The following JAM3 variants were observed in gnomAD, a reference collection of about 807,000 sequenced individuals.
JAM3 encodes the protein junctional adhesion molecule 3, also known as junctional adhesion molecule C.
In JAM3, 31 loss-of-function variants were observed where a neutral mutation model predicts 39.4. That is an observed-to-expected ratio of 0.79 (90% confidence interval 0.59 to 1.06). JAM3 has a LOEUF of 1.06. JAM3 is among the 50% of genes least tolerant of loss of function. The pLI is 0.00. For missense variants in JAM3, 455 were observed against 391.4 expected, an observed-to-expected ratio of 1.16 and a Z score of -1.37; for synonymous variants, 182 against 148.7, an observed-to-expected ratio of 1.22 and a Z score of -1.63.
intron 1 of JAM3, among the ~76,000 whole-genome samples, chr11:134,094,179 C>T (rs528185810): frequency 1.4e-5 from 2 of 139,818 alleles, no homozygotes; most frequent in South Asian, 5.0e-4. Flanking sequence ...TTCTCCTGAA[C>T]CCTCCTTATT....
chr11:134,085,158 G>T (rs999098906), intron 1 of JAM3, among the ~76,000 whole-genome samples: 3 of 152,148 alleles, frequency 2.0e-5, no homozygotes, highest in African/African-American at 7.2e-5. Flanking sequence ...GAAAAACCAG[G>T]TTATGAGTTT....
At chr11:134,114,360 A>G (rs1040205321) in intron 1 of JAM3, among the ~76,000 whole-genome samples, 13 of 152,174 alleles carry the variant, frequency 8.5e-5, no homozygotes, top group African/African-American at 2.7e-4. Context: ...TAATTTTTGT[A>G]TAAGGTGTGA....
chr11:134,103,828 C>G (rs954317514), intron 1 of JAM3, among the ~76,000 whole-genome samples: 1 of 152,150 alleles, frequency 6.6e-6, no homozygotes, highest in Non-Finnish European at 1.5e-5. Context: ...AATATATATG[C>G]ACTCAATACA....
At chr11:134,086,419 GA>G (rs1052986495) in intron 1 of JAM3, among the ~76,000 whole-genome samples, 4 of 151,038 alleles carry the variant, frequency 2.6e-5, no homozygotes, top group Non-Finnish European at 5.9e-5. Flanking sequence ...TTTTTTTAAA[GA>G]AAACAAAAAT....
At chr11:134,087,802 T>G (rs867132895) in intron 1 of JAM3, among the ~76,000 whole-genome samples, 2 of 152,224 alleles carry the variant, frequency 1.3e-5, no homozygotes, top group African/African-American at 2.4e-5. Flanking sequence ...CATGGACATA[T>G]AGGTTCTAGA....
At chr11:134,078,372 G>C (rs1467745681) in intron 1 of JAM3, among the ~76,000 whole-genome samples, 5 of 152,086 alleles carry the variant, frequency 3.3e-5, no homozygotes, top group Admixed American at 3.3e-4. Context: ...CACCTGCCTT[G>C]ATCTCCCAAA....
At chr11:134,124,923 T>C (rs1942614696) in intron 1 of JAM3, among the ~76,000 whole-genome samples, 1 of 152,228 alleles carries the variant, frequency 6.6e-6, no homozygotes, top group South Asian at 2.1e-4. Context: ...GACCGGGCAT[T>C]GAAGTCCGGC....
At chr11:134,077,463 A>C (rs1941589239) in intron 1 of JAM3, among the ~76,000 whole-genome samples, 1 of 150,870 alleles carries the variant, frequency 6.6e-6, no homozygotes, top group African/African-American at 2.4e-5. Context: ...TCCTGGGTTC[A>C]AGTGATTCTC....
rs574452185 is a variant in JAM3 at position 134,074,830 on chromosome 11, G to A, written c.76+5671G>A. Among the ~76,000 whole-genome samples, 413 of 152,192 alleles carry A rather than the reference G, an allele frequency of 2.7e-3. 5 individuals are homozygous for A. The highest frequency in any genetic ancestry group is 0.014 in the Middle Eastern group (4 of 294). On this transcript the variant is annotated intron_variant, in intron 1 of 8. Coordinates refer to ENST00000299106, the MANE Select transcript of JAM3 (RefSeq NM_032801.5). Reference sequence around the variant, plus strand: ...AACTAGACTCTGAAAGATGTTTCCCGAAGCACTCTGTCAGCTGATGTGCCC... The same window carrying A: ...AACTAGACTCTGAAAGATGTTTCCCAAAGCACTCTGTCAGCTGATGTGCCC...
intron 1 of JAM3, chr11:134,124,321 G>A (rs1487547137): frequency 9.3e-5 from 72 of 776,298 alleles, no homozygotes; most frequent in Non-Finnish European, 6.5e-5. Context: ...GGGGCTGGAC[G>A]GTTCATTATG....
rs1259876523 is a variant in JAM3, at chr11:134,102,609, A to T, written c.76+33450A>T. ...CGAACCCATCGCAAAGAAGCTAAAA[A>T]CCTTGAAAAAAGATTAGACAAATGG... On this transcript the variant is annotated intron_variant, in intron 1 of 8. Coordinates refer to ENST00000299106, the MANE Select transcript of JAM3 (RefSeq NM_032801.5). 1.4e-4 allele frequency among the ~76,000 whole-genome samples: 22 copies of T among 152,108 alleles called. 1 individual carries two copies. The highest frequency in any genetic ancestry group is 1.4e-3 in the Admixed American group (22 of 15,262).
At chr11:134,082,375 T>C (rs1056461989) in intron 1 of JAM3, among the ~76,000 whole-genome samples, 6 of 152,038 alleles carry the variant, frequency 3.9e-5, no homozygotes, top group Admixed American at 1.3e-4. Flanking sequence ...GGACATGAGA[T>C]TTGGGAGGGG....
intron 1 of JAM3, among the ~76,000 whole-genome samples, chr11:134,122,512 C>T (rs564398972): frequency 8.5e-5 from 13 of 152,268 alleles, no homozygotes; most frequent in African/African-American, 3.1e-4. Context: ...GCTGCTACAC[C>T]GCTTCACCAG....
At chr11:134,118,811 A>G (rs1942483960) in intron 1 of JAM3, among the ~76,000 whole-genome samples, 1 of 152,122 alleles carries the variant, frequency 6.6e-6, no homozygotes, top group Non-Finnish European at 1.5e-5. Flanking sequence ...CTTTCCACTT[A>G]TGCTTTAAAA....
chr11:134,101,661 A>G (rs936373624), intron 1 of JAM3, among the ~76,000 whole-genome samples: 27 of 152,216 alleles, frequency 1.8e-4, no homozygotes, highest in Middle Eastern at 3.2e-3. Context: ...TACTACCACA[A>G]GTATTGCCTT....
Position 134,121,228 on chromosome 11 carries a change from G to A in JAM3, c.77-18623G>A, listed in dbSNP as rs537395489. Among the ~76,000 whole-genome samples, 10 of 152,310 alleles carry A rather than the reference G, an allele frequency of 6.6e-5. No homozygotes were observed. The East Asian group carries it at 1.9e-3, about 29-fold the overall frequency. On this transcript the variant is annotated intron_variant, in intron 1 of 8. Transcript: ENST00000299106. ...GAAGTGATTGTCATATAACTTGTCT[G>A]GCATCAGATCCGCAGACTCTGGCAG...
intron 1 of JAM3, among the ~76,000 whole-genome samples, chr11:134,071,384 A>G (rs926748311): frequency 1.3e-5 from 2 of 152,210 alleles, no homozygotes; most frequent in Non-Finnish European, 2.9e-5. Context: ...AGTTATTTGT[A>G]TTATTCCATT....
Position 134,069,102 on chromosome 11 carries a change from C to G in JAM3, c.19C>G (p.Pro7Ala). Residue 7 changes from proline (P) to alanine (A), a missense_variant, in exon 1 of 9, where the codon CCG becomes GCG. Coordinates refer to ENST00000299106, the MANE Select transcript of JAM3 (RefSeq NM_032801.5). ...CCTCGACATGGCGCTGAGGCGGCCA[C>G]CGCGACTCCGGCTCTGCGCTCGGCT... is the stretch of plus-strand genomic sequence containing the variant. MALRRP[P>A]RLRLCARLPD... is the part of the protein sequence containing the mutation. The G allele has an allele frequency of 6.2e-7, 1 of 1,611,944 alleles. No homozygotes were observed. Among genetic ancestry groups the G allele is most frequent in the Non-Finnish European group, 8.5e-7 (1 of 1,179,208 alleles).
intron 1 of JAM3, among the ~76,000 whole-genome samples, chr11:134,132,965 C>T (rs1180916814): frequency 1.3e-5 from 2 of 152,180 alleles, no homozygotes; most frequent in Non-Finnish European, 2.9e-5. Context: ...CTTTATCTGC[C>T]TGTCTGTCTC....
Sources: allele counts gnomAD v4.1 joint callset (sites outside exome capture counted in the v4.1 genomes callset), GRCh38; gene constraint gnomAD v4.1.1; transcripts MANE v1.5; gene names NCBI Gene and HGNC (gene_info 2026-07-23, HGNC 2026-07-21).